The following PLEKHD1 variants were observed in gnomAD, a reference collection of about 807,000 sequenced individuals.
PLEKHD1 encodes the protein pleckstrin homology and coiled-coil domain containing D1, also known as pleckstrin homology domain-containing family D member 1.
A neutral mutation model predicts 69.2 loss-of-function variants in PLEKHD1; 51 were observed. The observed-to-expected ratio is 0.74, with a 90% CI of 0.59 to 0.93. The LOEUF (loss-of-function observed/expected upper bound fraction) is 0.93, where lower values mean the gene tolerates loss of function less well. Among genes scored for constraint, PLEKHD1 ranks in the 40% least tolerant of loss-of-function variants. The probability of loss-of-function intolerance (pLI) is 0.00; values close to 1 mark genes in which losing one functional copy is unlikely to be tolerated. For synonymous variants in PLEKHD1, 236 were observed against 244.7 expected (o/e 0.96, Z 0.33); for missense variants, 584 against 641.0 (o/e 0.91, Z 0.96).
At chr14:69,520,166 C>CAAAAAAAA (rs761343645) in intron 6 of PLEKHD1, among the ~76,000 whole-genome samples, 1 of 20,508 alleles carries the variant, frequency 4.9e-5, no homozygotes, top group Non-Finnish European at 9.8e-5. Flanking sequence ...GACTCTGTCT[C>CAAAAAAAA]AAAAAAAAAA....
At chr14:69,518,277 G>A (rs1339187311) in intron 6 of PLEKHD1, among the ~76,000 whole-genome samples, 1 of 152,104 alleles carries the variant, frequency 6.6e-6, no homozygotes, top group African/African-American at 2.4e-5. Flanking sequence ...CTGAGCTCAA[G>A]CAATCCTCCC....
chr14:69,483,494 A>C (rs896321605), upstream of PLEKHD1, among the ~76,000 whole-genome samples: 3 of 152,130 alleles, frequency 2.0e-5, no homozygotes, highest in African/African-American at 7.2e-5. Flanking sequence ...TTGACTATAA[A>C]GGGGCATGAA....
chr14:69,525,949 C>A lies in PLEKHD1; in HGVS notation c.750C>A (p.Leu250=). ...CTTGCCTCCCTCCATGCCAGGAACT[C>A]TCCATAGAGAAGAAGAAAACCCTGG... ...TESLQQTLEE[L]SIEKKKTLEM... is the part of the protein sequence containing the mutation. The change falls in exon 9 of 13, where the codon CTC becomes CTA. Residue 250 remains leucine, a synonymous_variant. Coordinates refer to ENST00000322564, the MANE Select transcript of PLEKHD1 (RefSeq NM_001161498.2). The A allele has an allele frequency of 6.5e-7, 1 of 1,550,082 alleles. No individual in the cohort carries two copies. The highest frequency in any genetic ancestry group is 8.7e-7 in the Non-Finnish European group (1 of 1,146,576).
At chr14:69,470,982 G>A in the PLEKHD1 span, among the ~76,000 whole-genome samples, 3 of 151,542 alleles carry the variant, frequency 2.0e-5, no homozygotes, top group East Asian at 1.9e-4. Context: ...TAGTAGAGGC[G>A]GGGTTTCACC....
chr14:69,519,157 A>G (rs751569669), intron 6 of PLEKHD1, among the ~76,000 whole-genome samples: 4 of 152,160 alleles, frequency 2.6e-5, no homozygotes, highest in Non-Finnish European at 2.9e-5. Flanking sequence ...TTGAAGCCCC[A>G]CAAAACTTTC....
chr14:69,517,141 T>C (rs987916573), intron 6 of PLEKHD1, among the ~76,000 whole-genome samples: 3 of 118,986 alleles, frequency 2.5e-5, no homozygotes, highest in African/African-American at 9.9e-5. Flanking sequence ...GGGCTGGGGG[T>C]GGGGGGCAAT....
At chr14:69,486,300 A>G (rs1882654323) in intron 1 of PLEKHD1, among the ~76,000 whole-genome samples, 1 of 152,230 alleles carries the variant, frequency 6.6e-6, no homozygotes, top group Non-Finnish European at 1.5e-5. Context: ...ACCGCAGAAC[A>G]AATGGAGCTG....
At chr14:69,485,230 C>A in intron 1 of PLEKHD1, 116 bp downstream of exon 1, 1 of 1,152,088 alleles carries the variant, frequency 8.7e-7, no homozygotes, top group Non-Finnish European at 1.2e-6. Context: ...ACCTTGGCGT[C>A]ACCCCTTTTC....
intron 6 of PLEKHD1, among the ~76,000 whole-genome samples, chr14:69,505,827 G>T (rs373081782): frequency 1.9e-4 from 29 of 152,302 alleles, no homozygotes; most frequent in African/African-American, 6.7e-4. Flanking sequence ...GAACCCTCCT[G>T]ACTCATCTTC....
chr14:69,527,764 C>CCTGG lies in PLEKHD1; in HGVS notation c.1202-17_1202-14dup. ...AGGATGCAGTCGGAACCCCACCCTT[C>CCTGG]CTGGCCCTGCCGCCACAGGGTTCTT... is the stretch of plus-strand genomic sequence containing the variant. On this transcript the variant is annotated intron_variant, in intron 11 of 12. Transcript: ENST00000322564. 6.4e-7 allele frequency: 1 copy of CCTGG among 1,551,254 alleles called. No individual in the cohort carries two copies.
At chr14:69,480,944 C>T (rs1204051433), upstream of PLEKHD1, among the ~76,000 whole-genome samples, 3 of 152,234 alleles carry the variant, frequency 2.0e-5, no homozygotes, top group Admixed American at 6.5e-5. Flanking sequence ...TGGGCCACCA[C>T]GCGCAGCCTG....
chr14:69,498,662 T>TCTTCTC (rs1566557403), intron 1 of PLEKHD1, among the ~76,000 whole-genome samples: 16 of 135,178 alleles, frequency 1.2e-4, no homozygotes, highest in South Asian at 2.4e-4. Flanking sequence ...TCTTCTCTTC[T>TCTTCTC]TTGAGATGGA....
chr14:69,498,890 C>A (rs914103388), intron 1 of PLEKHD1, among the ~76,000 whole-genome samples: 10 of 151,854 alleles, frequency 6.6e-5, no homozygotes, highest in Non-Finnish European at 1.5e-4. Context: ...TCAAGTGATC[C>A]GCCCGCCTCA....
At position 69,529,705 on chromosome 14, in the gene PLEKHD1, C is replaced by T. The variant is rs915946112; in HGVS notation, c.*1286C>T. ...GCCCCTGCTTCAGTCACCTTGCTGCCTCCTCTCCCTGCAGAGATTTCAGCC... is the reference window on the plus strand; with the variant it reads ...GCCCCTGCTTCAGTCACCTTGCTGCTTCCTCTCCCTGCAGAGATTTCAGCC... On this transcript the variant is annotated 3_prime_UTR_variant, in exon 13 of 13. Transcript: ENST00000322564. 11 of 152,240 alleles carry T rather than the reference C, an allele frequency of 7.2e-5. No individual in the cohort carries two copies. Among genetic ancestry groups the T allele is most frequent in the African/African-American group, 2.4e-4 (10 of 41,456 alleles). 9.4% of individuals were successfully genotyped at this position (152,240 alleles called of 1,614,324 possible).
At chr14:69,478,050 G>T in the PLEKHD1 span, among the ~76,000 whole-genome samples, 1 of 152,194 alleles carries the variant, frequency 6.6e-6, no homozygotes, top group Non-Finnish European at 1.5e-5. Context: ...CTTCTGCCTG[G>T]GCATCCAGGT....
intron 1 of PLEKHD1, among the ~76,000 whole-genome samples, chr14:69,496,123 G>A (rs1335341339): frequency 6.6e-6 from 1 of 152,208 alleles, no homozygotes; most frequent in African/African-American, 2.4e-5. Context: ...GGGAGGCTTA[G>A]TAAGGCTGGG....
chr14:69,479,737 A>G (rs1594968261), upstream of PLEKHD1, among the ~76,000 whole-genome samples: 1 of 152,210 alleles, frequency 6.6e-6, no homozygotes, highest in South Asian at 2.1e-4. Flanking sequence ...AGAGAAGCCC[A>G]GTGATTGTCT....
chr14:69,500,083 G>C, intron 1 of PLEKHD1, 32 bp from the exon 2 acceptor site: 1 of 1,457,292 alleles, frequency 6.9e-7, no homozygotes. Context: ...CTTCTCTCCT[G>C]GTTGCTTTTC....
intron 6 of PLEKHD1, among the ~76,000 whole-genome samples, chr14:69,507,915 G>T (rs1883187555): frequency 6.6e-6 from 1 of 152,002 alleles, no homozygotes; most frequent in Non-Finnish European, 1.5e-5. Flanking sequence ...GTCTCCTTAT[G>T]TTGAACTCCT....
Sources: allele counts gnomAD v4.1 joint callset (sites outside exome capture counted in the v4.1 genomes callset), GRCh38; gene constraint gnomAD v4.1.1; transcripts MANE v1.5; gene names NCBI Gene and HGNC (gene_info 2026-07-23, HGNC 2026-07-21).